ANKS1B: variants seen among roughly 807,000 people sequenced by gnomAD.
ANKS1B encodes ankyrin repeat and sterile alpha motif domain-containing protein 1B.
Under a neutral mutation model 148.3 loss-of-function variants are expected in ANKS1B, and 36 were observed. That is an observed-to-expected ratio of 0.24 (90% CI 0.19 to 0.32). ANKS1B has a LOEUF of 0.32. ANKS1B is among the 10% of genes least tolerant of loss of function. The pLI is 1.00. For synonymous variants in ANKS1B, 542 were observed against 560.8 expected (o/e 0.97, Z 0.47); for missense variants, 1,157 against 1,542.6 (o/e 0.75, Z 4.19).
chr12:99,662,894 T>C (rs2043947695), intron 8 of ANKS1B, among the ~76,000 whole-genome samples: 1 of 152,080 alleles, frequency 6.6e-6, no homozygotes, highest in Non-Finnish European at 1.5e-5. Flanking sequence ...TGTCTATTTT[T>C]GCCTGCAGAC....
chr12:99,819,461 T>A (rs1469542537), intron 2 of ANKS1B, among the ~76,000 whole-genome samples: 1 of 151,822 alleles, frequency 6.6e-6, no homozygotes, highest in Non-Finnish European at 1.5e-5. Flanking sequence ...ACAGATAGCT[T>A]ATTATATGGA....
intron 17 of ANKS1B, among the ~76,000 whole-genome samples, chr12:99,013,422 A>G (rs1182381678): frequency 6.6e-6 from 1 of 152,106 alleles, no homozygotes; most frequent in Non-Finnish European, 1.5e-5. Flanking sequence ...ACATTTATTA[A>G]GCATTTCCTA....
At chr12:99,448,718 T>G (rs1288954284) in intron 10 of ANKS1B, among the ~76,000 whole-genome samples, 1 of 152,080 alleles carries the variant, frequency 6.6e-6, no homozygotes, top group African/African-American at 2.4e-5. Flanking sequence ...TAATTAAATT[T>G]TTTAAAATTA....
chr12:99,879,117 G>A (rs2092322954), intron 1 of ANKS1B, among the ~76,000 whole-genome samples: 2 of 152,164 alleles, frequency 1.3e-5, no homozygotes, highest in South Asian at 4.1e-4. Flanking sequence ...CTTTACTAAA[G>A]GACAATCAGG....
chr12:98,747,121 C>A lies in ANKS1B; in HGVS notation c.3748-1272G>T, dbSNP rs1376714751. On this transcript the variant is annotated intron_variant, in intron 26 of 26. Transcript: ENST00000683438. The stretch of plus-strand genomic sequence containing the variant: ...ACAGCGAAGGAAACAATCAACAAAG[C>A]GAAAAGACAACCTACAGAATGGGAG... Among the ~76,000 whole-genome samples, 3 of 151,962 alleles carry A rather than the reference C, an allele frequency of 2.0e-5. No individual in the cohort carries two copies. The East Asian group carries it at 5.8e-4, about 29-fold the overall frequency.
At chr12:99,409,290 T>C (rs1029651369) in intron 11 of ANKS1B, among the ~76,000 whole-genome samples, 2 of 152,150 alleles carry the variant, frequency 1.3e-5, no homozygotes, top group Admixed American at 6.6e-5. Flanking sequence ...TTGTAGGAAC[T>C]AGAAAAATTA....
chr12:99,954,255 TAATAA>T (rs2095278270), intron 1 of ANKS1B, among the ~76,000 whole-genome samples: 1 of 152,212 alleles, frequency 6.6e-6, no homozygotes, highest in Non-Finnish European at 1.5e-5. Flanking sequence ...AAAAGAAAAC[TAATAA>T]ATCTTCAATC....
chr12:98,877,041 T>C (rs74351816), intron 17 of ANKS1B, among the ~76,000 whole-genome samples: 2,515 of 152,322 alleles, frequency 0.017, 34 homozygotes, highest in Non-Finnish European at 0.025. Context: ...TTAGATGACA[T>C]GTAATTAACC....
intron 16 of ANKS1B, among the ~76,000 whole-genome samples, chr12:99,064,527 T>G (rs2043445682): frequency 6.6e-6 from 1 of 152,200 alleles, no homozygotes; most frequent in South Asian, 2.1e-4. Context: ...AGGAGTTAAG[T>G]TGCCAATGCA....
chr12:99,002,980 G>A (rs1435200951), intron 17 of ANKS1B, among the ~76,000 whole-genome samples: 2 of 152,108 alleles, frequency 1.3e-5, no homozygotes, highest in Non-Finnish European at 2.9e-5. Context: ...TTACATTTAA[G>A]TTTTTAATCT....
chr12:99,159,365 A>C (rs936851180), intron 14 of ANKS1B, among the ~76,000 whole-genome samples: 1 of 152,044 alleles, frequency 6.6e-6, no homozygotes, highest in Non-Finnish European at 1.5e-5. Context: ...TTTTTCATAC[A>C]TTGTCCCCCT....
chr12:99,934,945 G>A (rs1235900478), intron 1 of ANKS1B, among the ~76,000 whole-genome samples: 2 of 152,068 alleles, frequency 1.3e-5, no homozygotes, highest in Non-Finnish European at 2.9e-5. Context: ...CAGAGGACTG[G>A]GGGACTGGTG....
At chr12:98,752,110 G>A (rs1296306850) in intron 25 of ANKS1B, among the ~76,000 whole-genome samples, 1 of 152,120 alleles carries the variant, frequency 6.6e-6, no homozygotes, top group African/African-American at 2.4e-5. Flanking sequence ...ATTTCTAGTT[G>A]TCCTGCCTTT....
At chr12:98,831,941 A>C (rs1297201190) in intron 18 of ANKS1B, 88 bp downstream of exon 18, 2 of 1,229,942 alleles carry the variant, frequency 1.6e-6, no homozygotes, top group South Asian at 2.6e-5. Context: ...CAGTAGAGGC[A>C]GGGTCTCACC....
intron 1 of ANKS1B, among the ~76,000 whole-genome samples, chr12:99,884,872 A>C (rs1046945188): frequency 2.0e-5 from 3 of 152,096 alleles, no homozygotes; most frequent in South Asian, 4.1e-4. Flanking sequence ...TACACCAAAA[A>C]CAGTAAATTT....
chr12:99,931,206 G>A (rs2094605978), intron 1 of ANKS1B, among the ~76,000 whole-genome samples: 1 of 152,110 alleles, frequency 6.6e-6, no homozygotes, highest in African/African-American at 2.4e-5. Flanking sequence ...TCGGGGGAGA[G>A]GGGAGGGATA....
chr12:99,936,093 C>T (rs1044006940), intron 1 of ANKS1B, among the ~76,000 whole-genome samples: 4 of 151,954 alleles, frequency 2.6e-5, no homozygotes, highest in African/African-American at 9.7e-5. Context: ...TGGGGGAAAC[C>T]AACCCCATGA....
chr12:98,904,766 T>A (rs1173355087), intron 17 of ANKS1B, among the ~76,000 whole-genome samples: 1 of 152,120 alleles, frequency 6.6e-6, no homozygotes, highest in African/African-American at 2.4e-5. Context: ...TTTCTAGGAA[T>A]GGGAAAGAGG....
intron 4 of ANKS1B, among the ~76,000 whole-genome samples, chr12:99,791,550 T>A (rs1431199492): frequency 1.3e-5 from 2 of 151,928 alleles, no homozygotes; most frequent in African/African-American, 4.8e-5. Flanking sequence ...TGAAAAAATA[T>A]CAAGCATCAT....
Sources: gnomAD v4.1 joint callset for allele counts (sites outside exome capture counted in the v4.1 genomes callset) on GRCh38, gnomAD v4.1.1 for gene constraint, MANE v1.5 for transcripts, NCBI Gene and HGNC (gene_info 2026-07-23, HGNC 2026-07-21) for gene names.